MPPED1: variants seen among roughly 807,000 people sequenced by gnomAD.
The protein encoded by MPPED1 is metallophosphoesterase domain-containing protein 1.
MPPED1 carries 16 observed loss-of-function variants against 36.2 expected under a neutral mutation model. The ratio of observed to expected loss-of-function variants is 0.44; its 90% CI spans 0.30 to 0.67. The LOEUF is 0.67. Ranked by LOEUF, MPPED1 falls within the 30% of genes least tolerant of loss-of-function variation. The pLI is 0.10. For synonymous variants in MPPED1, 199 were observed against 191.3 expected (o/e 1.04, Z -0.33); for missense variants, 307 against 453.4 (o/e 0.68, Z 2.93).
At chr22:43,449,039 C>T (rs966945939) in intron 3 of MPPED1, among the ~76,000 whole-genome samples, 4 of 151,968 alleles carry the variant, frequency 2.6e-5, no homozygotes, top group African/African-American at 9.7e-5. Flanking sequence ...TATTTATGGT[C>T]AGCAGTAAAG....
intron 6 of MPPED1, among the ~76,000 whole-genome samples, chr22:43,504,773 T>A (rs763316266): frequency 1.3e-5 from 2 of 151,820 alleles, no homozygotes; most frequent in African/African-American, 2.4e-5. Context: ...GTGATGATGA[T>A]GGCATTGGTT....
At chr22:43,477,413 G>A (rs564459369) in intron 4 of MPPED1, among the ~76,000 whole-genome samples, 2 of 152,332 alleles carry the variant, frequency 1.3e-5, no homozygotes, top group East Asian at 3.9e-4. Context: ...TGAGCAGATT[G>A]CCTGCGTCTG....
At chr22:43,461,667 A>G (rs185551920) in intron 3 of MPPED1, among the ~76,000 whole-genome samples, 199 of 152,338 alleles carry the variant, frequency 1.3e-3, no homozygotes, top group African/African-American at 4.7e-3. Context: ...GATATTGTAA[A>G]GACTCAAATG....
At chr22:43,447,859 T>TTATATATATATATATATATATATATA (rs1238294657) in intron 3 of MPPED1, among the ~76,000 whole-genome samples, 8 of 62,516 alleles carry the variant, frequency 1.3e-4, no homozygotes, top group Admixed American at 2.7e-4. Flanking sequence ...TATGTAAATA[T>TTATATATATATATATATATATATATA]TATATATATA....
intron 3 of MPPED1, among the ~76,000 whole-genome samples, chr22:43,473,358 G>A (rs1340110756): frequency 6.6e-6 from 1 of 152,226 alleles, no homozygotes; most frequent in African/African-American, 2.4e-5. Context: ...CAGGGATAGA[G>A]GGGATGCCTC....
At chr22:43,466,372 G>C (rs1329750029) in intron 3 of MPPED1, among the ~76,000 whole-genome samples, 2 of 152,134 alleles carry the variant, frequency 1.3e-5, no homozygotes, top group Non-Finnish European at 2.9e-5. Context: ...GTCCCAGTGA[G>C]CTGCTGTGTG....
At chr22:43,438,071 GT>G (rs1459459584) in intron 3 of MPPED1, among the ~76,000 whole-genome samples, 3 of 152,236 alleles carry the variant, frequency 2.0e-5, no homozygotes, top group Non-Finnish European at 4.4e-5. Context: ...TGCCAGGTGT[GT>G]CGCAAGCCCT....
chr22:43,505,059 T>G (rs1158098461), intron 6 of MPPED1, among the ~76,000 whole-genome samples: 1 of 151,428 alleles, frequency 6.6e-6, no homozygotes, highest in Non-Finnish European at 1.5e-5. Context: ...ATGATGTTGA[T>G]CATGATAGTG....
rs1019590756 is a variant in MPPED1, at chr22:43,474,076, T to C, written c.407-660T>C. 6.6e-6 allele frequency among the ~76,000 whole-genome samples: 1 copy of C among 152,222 alleles called. No individual in the cohort carries two copies. The highest frequency in any genetic ancestry group is 2.4e-5 in the African/African-American group (1 of 41,448). ...TATAATGTTTCCTGAGTGTGGGGTC[T>C]CCAAACATTTGAACTGGGCTCTGCA... On this transcript the variant is annotated intron_variant, in intron 3 of 6. Coordinates refer to ENST00000443721, the MANE Select transcript of MPPED1 (RefSeq NM_001044370.2). This position sits in a 1 kb window ranked among gnomAD's most constrained non-coding sequence, Gnocchi z 5.2.
intron 4 of MPPED1, among the ~76,000 whole-genome samples, chr22:43,481,226 G>C (rs1931738910): frequency 6.6e-6 from 1 of 152,170 alleles, no homozygotes; most frequent in Non-Finnish European, 1.5e-5. Context: ...TAGGGATCTT[G>C]TTCAGGGTTT....
intron 1 of MPPED1, among the ~76,000 whole-genome samples, chr22:43,415,225 CAAAAA>C (rs34357060): frequency 2.0e-5 from 1 of 49,414 alleles, no homozygotes; most frequent in East Asian, 1.0e-3. Flanking sequence ...ATGTCAAAAG[CAAAAA>C]AAAAAAAAAA....
At chr22:43,447,572 A>G (rs1930387895) in intron 3 of MPPED1, among the ~76,000 whole-genome samples, 1 of 151,862 alleles carries the variant, frequency 6.6e-6, no homozygotes, top group Non-Finnish European at 1.5e-5. Context: ...TTTGGAGAAT[A>G]CGATCGCCAC....
At position 43,505,840 on chromosome 22, in the gene MPPED1, G is replaced by T. The variant is rs1013823350; in HGVS notation, c.*224G>T. On this transcript the variant is annotated 3_prime_UTR_variant, in exon 7 of 7. Coordinates refer to ENST00000443721, the MANE Select transcript of MPPED1 (RefSeq NM_001044370.2). ...CTGTGCTCATTTACTTTTTCTGCGTGTACATCCTGCGTGTACCTCGTTAAA... is the reference window on the plus strand; with the variant it reads ...CTGTGCTCATTTACTTTTTCTGCGTTTACATCCTGCGTGTACCTCGTTAAA... 5.6e-6 allele frequency: 3 copies of T among 533,668 alleles called. No individual in the cohort carries two copies. The highest frequency in any genetic ancestry group is 3.8e-5 in the African/African-American group (2 of 52,532). The allele number at this position is 533,668 out of a possible 1,614,324, so 33.1% of individuals were successfully genotyped here. A position where few individuals can be genotyped will look rare whatever the true frequency, so the allele number is the denominator to read the frequency against.
intron 4 of MPPED1, among the ~76,000 whole-genome samples, chr22:43,490,385 T>C (rs1006943067): frequency 2.0e-5 from 3 of 152,076 alleles, no homozygotes; most frequent in Admixed American, 6.5e-5. Context: ...TCTCTGGGCA[T>C]TGGGGTGGGG....
At chr22:43,419,381 T>C (rs1929181621) in intron 1 of MPPED1, among the ~76,000 whole-genome samples, 1 of 151,958 alleles carries the variant, frequency 6.6e-6, no homozygotes, top group Non-Finnish European at 1.5e-5. Context: ...TGAGACTGAG[T>C]GGGCTTGTGT....
At chr22:43,445,466 A>ACATCTC (rs1208809233) in intron 3 of MPPED1, among the ~76,000 whole-genome samples, 1 of 151,914 alleles carries the variant, frequency 6.6e-6, no homozygotes, top group Non-Finnish European at 1.5e-5. Context: ...AAATTAATCA[A>ACATCTC]CATCTCCATT....
rs1932641433 is a variant in MPPED1, at chr22:43,500,191, TGGA to T, written c.748+1844_748+1846del. ...GTGATGGAGGTGGTGGTGATGGTGA[TGGA>T]GGTGGTAATGGAGGTGGTGGGGGTG... On this transcript the variant is annotated intron_variant, in intron 5 of 6. Coordinates refer to ENST00000443721, the MANE Select transcript of MPPED1 (RefSeq NM_001044370.2). Among the ~76,000 whole-genome samples, 8 of 65,476 alleles carry T rather than the reference TGGA, an allele frequency of 1.2e-4. 1 individual carries two copies. The highest frequency in any genetic ancestry group is 2.8e-4 in the African/African-American group (3 of 10,750). 43.0% of individuals were successfully genotyped at this position (65,476 alleles called of 152,430 possible). A position where few individuals can be genotyped will look rare whatever the true frequency, so the allele number is the denominator to read the frequency against.
Position 43,413,394 on chromosome 22 carries a change from AAT to A in MPPED1, c.-79+1237_-79+1238del, listed in dbSNP as rs1491042523. Reference sequence around the variant, plus strand: ...CTGGACTTTGCAAAAAAAAAAAAAAAATTAAACCAACTTGGTGAGAAACCTGG... The same window carrying A: ...CTGGACTTTGCAAAAAAAAAAAAAAATAAACCAACTTGGTGAGAAACCTGG... On this transcript the variant is annotated intron_variant, in intron 1 of 6. Coordinates refer to ENST00000443721, the MANE Select transcript of MPPED1 (RefSeq NM_001044370.2). Among the ~76,000 whole-genome samples the A allele has an allele frequency of 2.0e-3, 274 of 138,432 alleles. 3 individuals carry two copies. Among genetic ancestry groups the A allele is most frequent in the African/African-American group, 8.1e-3 (262 of 32,298 alleles). 90.8% of individuals were successfully genotyped at this position (138,432 alleles called of 152,430 possible).
chr22:43,452,872 TC>T (rs1930620131), intron 3 of MPPED1, among the ~76,000 whole-genome samples: 1 of 151,798 alleles, frequency 6.6e-6, no homozygotes, highest in Non-Finnish European at 1.5e-5. Flanking sequence ...CAAGCAGTCC[TC>T]CTTTGACCTC....
Sources: gnomAD v4.1 joint callset for allele counts (sites outside exome capture counted in the v4.1 genomes callset) on GRCh38, gnomAD v4.1.1 for gene constraint, Gnocchi (gnomAD v3.1) non-coding constraint, MANE v1.5 for transcripts, NCBI Gene and HGNC (gene_info 2026-07-23, HGNC 2026-07-21) for gene names.